IFNG-AS1: variants seen among roughly 807,000 people sequenced by gnomAD.
IFNG-AS1 encodes the protein IFNG regulatory antisense RNA 1.
At chr12:68,010,424 C>T (rs1879999884) in intron 3 of IFNG-AS1, among the ~76,000 whole-genome samples, 1 of 152,100 alleles carries the variant, frequency 6.6e-6, no homozygotes, top group Non-Finnish European at 1.5e-5. Flanking sequence ...GAGCAAAATA[C>T]GTCTCTGCAT....
chr12:68,014,157 T>G (rs550444831), intron 3 of IFNG-AS1, among the ~76,000 whole-genome samples: 3 of 152,238 alleles, frequency 2.0e-5, no homozygotes, highest in African/African-American at 4.8e-5. Context: ...TCCATCATAA[T>G]GTATACCACA....
chr12:67,993,629 T>C (rs1300407283), intron 1 of IFNG-AS1, among the ~76,000 whole-genome samples: 1 of 152,246 alleles, frequency 6.6e-6, no homozygotes, highest in African/African-American at 2.4e-5. Flanking sequence ...AATATATTTC[T>C]GATTTTCCAA....
chr12:68,020,964 A>G (rs11177007), intron 4 of IFNG-AS1: 54,908 of 152,036 alleles, frequency 0.36, 10,075 homozygotes, highest in Non-Finnish European at 0.38. Context: ...GGGAGCAGGA[A>G]GCTGGGTAAT....
chr12:67,990,382 G>C (rs1169322503), intron 1 of IFNG-AS1, among the ~76,000 whole-genome samples: 1 of 152,162 alleles, frequency 6.6e-6, no homozygotes, highest in Admixed American at 6.5e-5. Flanking sequence ...TCAAAGAAAT[G>C]TCTTTAACCT....
chr12:67,995,485 G>C (rs1879617437), intron 1 of IFNG-AS1, among the ~76,000 whole-genome samples: 1 of 146,946 alleles, frequency 6.8e-6, no homozygotes, highest in African/African-American at 2.5e-5. Context: ...AACTTTGGGA[G>C]GCCGAGGCGG....
At chr12:68,001,736 T>C (rs896204441) in intron 2 of IFNG-AS1, among the ~76,000 whole-genome samples, 1 of 152,188 alleles carries the variant, frequency 6.6e-6, no homozygotes, top group African/African-American at 2.4e-5. Flanking sequence ...GCTCGTGAGA[T>C]TCTCTGATTT....
intron 1 of IFNG-AS1, among the ~76,000 whole-genome samples, chr12:67,994,949 G>T (rs1879599855): frequency 1.3e-5 from 2 of 152,120 alleles, no homozygotes; most frequent in African/African-American, 4.8e-5. Flanking sequence ...AAACTAATAT[G>T]TTTCATAAAT....
At chr12:67,994,452 A>C (rs1302795716) in intron 1 of IFNG-AS1, among the ~76,000 whole-genome samples, 2 of 152,204 alleles carry the variant, frequency 1.3e-5, no homozygotes, top group African/African-American at 4.8e-5. Context: ...CATCTATTAT[A>C]ATCACAATCC....
intron 3 of IFNG-AS1, among the ~76,000 whole-genome samples, chr12:68,012,788 G>A (rs1015858129): frequency 3.3e-5 from 5 of 152,158 alleles, no homozygotes; most frequent in African/African-American, 1.2e-4. Context: ...AAGGAAAGAC[G>A]ACTAGCGATG....
intron 3 of IFNG-AS1, among the ~76,000 whole-genome samples, chr12:68,006,341 G>GA (rs897233856): frequency 2.0e-5 from 3 of 152,100 alleles, no homozygotes; most frequent in African/African-American, 7.2e-5. Flanking sequence ...AAGAATTCTA[G>GA]AAAAAAGTTA....
At chr12:67,994,884 T>G (rs1460252430) in intron 1 of IFNG-AS1, among the ~76,000 whole-genome samples, 1 of 152,226 alleles carries the variant, frequency 6.6e-6, no homozygotes, top group African/African-American at 2.4e-5. Flanking sequence ...TTAAAGAAAC[T>G]TAGGCAAGTT....
intron 3 of IFNG-AS1, among the ~76,000 whole-genome samples, chr12:68,007,962 C>T (rs1592825915): frequency 6.6e-6 from 1 of 152,176 alleles, no homozygotes; most frequent in Non-Finnish European, 1.5e-5. Flanking sequence ...AATTGTTGAG[C>T]TATAGCTTCT....
chr12:67,995,330 A>C (rs1879610973), intron 1 of IFNG-AS1, among the ~76,000 whole-genome samples: 1 of 149,762 alleles, frequency 6.7e-6, no homozygotes, highest in Non-Finnish European at 1.5e-5. Context: ...CTGAGGCAGG[A>C]GAATCGCTTG....
At chr12:68,016,292 C>G (rs913868479) in intron 3 of IFNG-AS1, among the ~76,000 whole-genome samples, 6 of 152,132 alleles carry the variant, frequency 3.9e-5, no homozygotes, top group African/African-American at 1.4e-4. Context: ...CAGAATCACT[C>G]AAAACCAGTC....
At chr12:68,005,340 G>T (rs1019626224) in intron 2 of IFNG-AS1, among the ~76,000 whole-genome samples, 1 of 152,160 alleles carries the variant, frequency 6.6e-6, no homozygotes, top group Non-Finnish European at 1.5e-5. Flanking sequence ...AATCCTGTCT[G>T]CTGACTTAGC....
At chr12:68,013,761 C>G (rs1331321272) in intron 3 of IFNG-AS1, 3 of 152,210 alleles carry the variant, frequency 2.0e-5, no homozygotes, top group African/African-American at 7.2e-5. Context: ...GGTTGACTGT[C>G]CCCAAGTAAG....
At chr12:67,993,754 TG>T (rs1356608764) in intron 1 of IFNG-AS1, among the ~76,000 whole-genome samples, 6 of 152,248 alleles carry the variant, frequency 3.9e-5, no homozygotes, top group African/African-American at 1.4e-4. Flanking sequence ...TCTTATAGTA[TG>T]GAGGCTTGAT....
At chr12:68,010,253 A>G (rs1364758212) in intron 3 of IFNG-AS1, among the ~76,000 whole-genome samples, 1 of 152,212 alleles carries the variant, frequency 6.6e-6, no homozygotes, top group Non-Finnish European at 1.5e-5. Flanking sequence ...GAAGTTATCT[A>G]TTTGAAGTAG....
chr12:68,005,165 A>C (rs1879877068), intron 2 of IFNG-AS1, among the ~76,000 whole-genome samples: 2 of 152,202 alleles, frequency 1.3e-5, no homozygotes, highest in Admixed American at 6.5e-5. Flanking sequence ...TCCTCAGAAA[A>C]ATTAAAGGGG....
Sources: allele counts gnomAD v4.1 joint callset (sites outside exome capture counted in the v4.1 genomes callset), GRCh38; gene constraint gnomAD v4.1.1; transcripts MANE v1.5; gene names NCBI Gene and HGNC (gene_info 2026-07-23, HGNC 2026-07-21).